SLC30A8: variants seen among roughly 807,000 people sequenced by gnomAD.
SLC30A8 encodes proton-coupled zinc antiporter SLC30A8.
SLC30A8 carries 27 observed loss-of-function variants against 36.9 expected under a neutral mutation model. The observed-to-expected ratio is 0.73, with a 90% CI of 0.54 to 1.01. SLC30A8 has a LOEUF of 1.01. Among genes scored for constraint, SLC30A8 ranks in the 50% least tolerant of loss-of-function variants. The pLI is 0.00. For synonymous variants in SLC30A8, 164 were observed against 172.4 expected (o/e 0.95, Z 0.38); for missense variants, 439 against 452.0 (o/e 0.97, Z 0.26).
chr8:116,967,122 A>T (rs182691941), intron 1 of SLC30A8, among the ~76,000 whole-genome samples: 3 of 152,316 alleles, frequency 2.0e-5, no homozygotes, highest in East Asian at 1.9e-4. Context: ...TAATATCATG[A>T]CTCAAATAAA....
chr8:117,006,490 G>A (rs1182138880), intron 1 of SLC30A8, among the ~76,000 whole-genome samples: 1 of 152,102 alleles, frequency 6.6e-6, no homozygotes, highest in African/African-American at 2.4e-5. Flanking sequence ...GAAGACCCTT[G>A]TAGACTTTCT....
At chr8:117,005,652 T>C (rs1409772851) in intron 1 of SLC30A8, among the ~76,000 whole-genome samples, 2 of 152,210 alleles carry the variant, frequency 1.3e-5, no homozygotes, top group Non-Finnish European at 2.9e-5. Flanking sequence ...ACTGCCCGAG[T>C]GTTTTCCAAA....
At chr8:117,049,537 C>T (rs1023859892) in intron 2 of SLC30A8, among the ~76,000 whole-genome samples, 30 of 152,170 alleles carry the variant, frequency 2.0e-4, no homozygotes, top group African/African-American at 7.2e-4. Context: ...GCAAAGTTCC[C>T]CTCATCACTT....
At chr8:117,147,974 T>C (rs1821980256) in intron 2 of SLC30A8, among the ~76,000 whole-genome samples, 1 of 152,130 alleles carries the variant, frequency 6.6e-6, no homozygotes, top group Non-Finnish European at 1.5e-5. Flanking sequence ...TAGAAAATTT[T>C]TAGTTCTCTA....
At chr8:117,150,542 ACTG>A (rs1405046629) in intron 2 of SLC30A8, among the ~76,000 whole-genome samples, 1 of 152,192 alleles carries the variant, frequency 6.6e-6, no homozygotes, top group Non-Finnish European at 1.5e-5. Flanking sequence ...CAGAAATATG[ACTG>A]CTGCTGCCCT....
intron 1 of SLC30A8, among the ~76,000 whole-genome samples, chr8:116,976,580 T>C (rs1273382838): frequency 6.6e-6 from 1 of 152,240 alleles, no homozygotes; most frequent in South Asian, 2.1e-4. Flanking sequence ...GGGCATACTC[T>C]CCAACGTCTT....
intron 1 of SLC30A8, among the ~76,000 whole-genome samples, chr8:117,016,082 G>T (rs1816509376): frequency 6.6e-6 from 1 of 152,170 alleles, no homozygotes; most frequent in African/African-American, 2.4e-5. Flanking sequence ...GTTACTTTCA[G>T]CCAGGTGAAT....
chr8:117,130,207 A>G (rs1013699840), upstream of SLC30A8: 1 of 151,954 alleles, frequency 6.6e-6, no homozygotes, highest in Non-Finnish European at 1.5e-5. Flanking sequence ...CTGTCCCTTG[A>G]TGCATTTTGG....
chr8:117,132,851 A>G (rs1266405379), upstream of SLC30A8, among the ~76,000 whole-genome samples: 1 of 152,052 alleles, frequency 6.6e-6, no homozygotes, highest in Non-Finnish European at 1.5e-5. Flanking sequence ...TCTTGATCAT[A>G]ACATCTGCAT....
At chr8:117,094,977 A>G (rs1019036088) in intron 2 of SLC30A8, among the ~76,000 whole-genome samples, 1 of 152,186 alleles carries the variant, frequency 6.6e-6, no homozygotes, top group Non-Finnish European at 1.5e-5. Context: ...TGTGGCCCCA[A>G]CCTTGCTCCA....
intron 2 of SLC30A8, among the ~76,000 whole-genome samples, chr8:117,119,000 G>C (rs1820571258): frequency 6.6e-6 from 1 of 151,908 alleles, no homozygotes; most frequent in Admixed American, 6.6e-5. Context: ...TGGGGATTCG[G>C]ATTGGGTAGA....
At chr8:116,965,008 C>T (rs1268502089) in intron 1 of SLC30A8, among the ~76,000 whole-genome samples, 1 of 152,200 alleles carries the variant, frequency 6.6e-6, no homozygotes, top group African/African-American at 2.4e-5. Flanking sequence ...GTGATCTCAG[C>T]TCACTGCAAC....
At chr8:117,042,065 T>A (rs760580877) in intron 2 of SLC30A8, among the ~76,000 whole-genome samples, 13 of 152,238 alleles carry the variant, frequency 8.5e-5, no homozygotes, top group Non-Finnish European at 1.8e-4. Context: ...GACAGAAATT[T>A]AAAGCCAGTA....
intron 2 of SLC30A8, among the ~76,000 whole-genome samples, chr8:117,066,049 G>T (rs1818159234): frequency 6.6e-6 from 1 of 152,136 alleles, no homozygotes; most frequent in Admixed American, 6.5e-5. Flanking sequence ...GAACACACAG[G>T]AAGGTTTTTT....
intron 7 of SLC30A8, among the ~76,000 whole-genome samples, chr8:117,171,591 C>A (rs951303994): frequency 5.9e-5 from 9 of 152,132 alleles, no homozygotes; most frequent in Admixed American, 1.3e-4. Context: ...ACACCAGCCC[C>A]ACTCTTAAAT....
chr8:116,967,859 C>G (rs1040929199), intron 1 of SLC30A8, among the ~76,000 whole-genome samples: 1 of 152,140 alleles, frequency 6.6e-6, no homozygotes, highest in Non-Finnish European at 1.5e-5. Flanking sequence ...GCTGTAATGT[C>G]ACAAACTCTC....
chr8:117,170,208 G>A (rs1161935632), intron 6 of SLC30A8, among the ~76,000 whole-genome samples: 1 of 152,128 alleles, frequency 6.6e-6, no homozygotes, highest in East Asian at 1.9e-4. Context: ...ATACTAATGT[G>A]CATCCAAGGT....
At chr8:116,959,272 T>C (rs1814332800) in intron 1 of SLC30A8, among the ~76,000 whole-genome samples, 1 of 152,238 alleles carries the variant, frequency 6.6e-6, no homozygotes, top group Non-Finnish European at 1.5e-5. Flanking sequence ...CCATCCATTA[T>C]ACTTTTGATC....
At chr8:117,065,840 A>G (rs1157615435) in intron 2 of SLC30A8, among the ~76,000 whole-genome samples, 1 of 152,184 alleles carries the variant, frequency 6.6e-6, no homozygotes, top group Non-Finnish European at 1.5e-5. Flanking sequence ...GTCTACATGC[A>G]GGATCAGATG....
Sources: gnomAD v4.1 joint callset for allele counts (sites outside exome capture counted in the v4.1 genomes callset) on GRCh38, gnomAD v4.1.1 for gene constraint, MANE v1.5 for transcripts, NCBI Gene and HGNC (gene_info 2026-07-23, HGNC 2026-07-21) for gene names.